Variants in MACO1 observed in about 807,000 individuals in gnomAD.
The protein encoded by MACO1 is macoilin 1.
Under a neutral mutation model 78.7 loss-of-function variants are expected in MACO1, and 14 were observed. That is an observed-to-expected ratio of 0.18 (90% confidence interval 0.12 to 0.28). The LOEUF is 0.28. Among genes scored for constraint, MACO1 ranks in the 10% least tolerant of loss-of-function variants. MACO1 has a pLI of 1.00. For synonymous variants in MACO1, 288 were observed against 291.6 expected, an observed-to-expected ratio of 0.99 and a Z score of 0.12; for missense variants, 501 against 799.0, an observed-to-expected ratio of 0.63 and a Z score of 4.50.
At chr1:25,475,712 GAAT>G (rs1311595640) in intron 6 of MACO1, among the ~76,000 whole-genome samples, 1 of 151,982 alleles carries the variant, frequency 6.6e-6, no homozygotes, top group African/African-American at 2.4e-5. Context: ...TAAAATTATC[GAAT>G]AATAATTAAA....
chr1:25,455,568 T>C (rs115122539), intron 4 of MACO1, among the ~76,000 whole-genome samples: 2,064 of 152,242 alleles, frequency 0.014, 54 homozygotes, highest in African/African-American at 0.047. Context: ...GAAACTTATA[T>C]GGGCTTGACA....
intron 6 of MACO1, among the ~76,000 whole-genome samples, chr1:25,461,343 C>T (rs971278860): frequency 2.8e-4 from 42 of 151,900 alleles, no homozygotes; most frequent in Non-Finnish European, 2.4e-4. Context: ...CACATGTACC[C>T]TAAAACTTAA....
intron 7 of MACO1, among the ~76,000 whole-genome samples, chr1:25,484,695 G>A (rs894639399): frequency 6.6e-5 from 10 of 152,180 alleles, no homozygotes; most frequent in Admixed American, 2.6e-4. Flanking sequence ...GAAAAGGCAG[G>A]CAGAAAGCCA....
chr1:25,431,138 C>A lies in MACO1; in HGVS notation c.40C>A (p.Pro14Thr), dbSNP rs1422681732. ...RNADCSKLRR[P>T]LKRNRITEGI... ...CGCCGACTGCAGTAAGCTCCGCCGCCCCCTAAAGCGGAACCGGATCACCGA... is the reference window on the plus strand; with the variant it reads ...CGCCGACTGCAGTAAGCTCCGCCGCACCCTAAAGCGGAACCGGATCACCGA... The change falls in exon 1 of 11, where the codon CCC becomes ACC. Residue 14 changes from proline to threonine, a missense_variant. Coordinates refer to ENST00000374343, the MANE Select transcript of MACO1 (RefSeq NM_018202.6). The A allele has an allele frequency of 3.8e-6, 6 of 1,598,718 alleles. No homozygotes were observed. The highest frequency in any genetic ancestry group is 1.7e-5 in the Admixed American group (1 of 58,750).
At chr1:25,455,948 C>T (rs928849046) in intron 4 of MACO1, among the ~76,000 whole-genome samples, 2 of 151,746 alleles carry the variant, frequency 1.3e-5, no homozygotes, top group Non-Finnish European at 1.5e-5. Flanking sequence ...CCTGTAAAGT[C>T]TCTACCCTTT....
At position 25,499,596 on chromosome 1, in the gene MACO1, T is replaced by G. The variant is rs978019960; in HGVS notation, c.*1130T>G. On this transcript the variant is annotated 3_prime_UTR_variant, in exon 11 of 11. Transcript: ENST00000374343. ...TTTAAGACTCTTAAACTCAAAACTC[T>G]GCACAAAGATTTCAGTTTCAAATGT... 4 of 148,762 alleles carry G rather than the reference T, an allele frequency of 2.7e-5. No individual in the cohort carries two copies. The South Asian group carries it at 6.4e-4, about 24-fold the overall frequency. 9.2% of individuals were successfully genotyped at this position (148,762 alleles called of 1,614,324 possible). A position where few individuals can be genotyped will look rare whatever the true frequency, so the allele number is the denominator to read the frequency against.
chr1:25,471,663 C>A (rs1386762277), intron 6 of MACO1, among the ~76,000 whole-genome samples: 4 of 152,176 alleles, frequency 2.6e-5, no homozygotes, highest in African/African-American at 9.7e-5. Context: ...TACTAGGAAG[C>A]AGGGAGGGTG....
intron 1 of MACO1, among the ~76,000 whole-genome samples, chr1:25,437,438 T>C (rs1007791008): frequency 6.6e-5 from 10 of 151,790 alleles, no homozygotes; most frequent in Non-Finnish European, 1.3e-4. Context: ...ATTATAGGCA[T>C]GAGCCACCGC....
chr1:25,486,665 T>G (rs186654433), intron 8 of MACO1, among the ~76,000 whole-genome samples: 1 of 152,356 alleles, frequency 6.6e-6, no homozygotes, highest in Admixed American at 6.5e-5. Flanking sequence ...ACTTTTGGCA[T>G]GTTGATAGCC....
intron 3 of MACO1, 43 bp downstream of exon 3, chr1:25,448,977 C>G: frequency 7.2e-7 from 1 of 1,386,730 alleles, no homozygotes; most frequent in East Asian, 2.5e-5. Context: ...ATCTTAGATT[C>G]AAATTTTTAA....
At chr1:25,450,194 C>A (rs1031874919) in intron 3 of MACO1, among the ~76,000 whole-genome samples, 1 of 152,108 alleles carries the variant, frequency 6.6e-6, no homozygotes, top group South Asian at 2.1e-4. Flanking sequence ...CCTCTTAAGT[C>A]TTTTCTGTAG....
At chr1:25,454,178 G>A (rs1445770994) in intron 3 of MACO1, 81 bp from the exon 4 acceptor site, 20 of 1,359,536 alleles carry the variant, frequency 1.5e-5, no homozygotes, top group South Asian at 2.0e-5. Context: ...AGTTACTGTC[G>A]TCAAATTAGT....
In MACO1 at chr1:25,431,093, G is replaced by T; in HGVS notation, c.-6G>T. ...CGGCGCGGGCACCCGGCCCCCCAGC[G>T]GGAGGATGAAGCGGCGGAACGCCGA... On this transcript the variant is annotated 5_prime_UTR_variant, in exon 1 of 11. Coordinates refer to ENST00000374343, the MANE Select transcript of MACO1 (RefSeq NM_018202.6). 1 of 1,585,658 alleles carries T rather than the reference G, an allele frequency of 6.3e-7. No homozygotes were observed. The highest frequency in any genetic ancestry group is 8.6e-7 in the Non-Finnish European group (1 of 1,169,210).
chr1:25,492,633 A>G (rs1379118953), intron 10 of MACO1, among the ~76,000 whole-genome samples: 3 of 152,148 alleles, frequency 2.0e-5, no homozygotes, highest in African/African-American at 2.4e-5. Flanking sequence ...CTTGAGGCCC[A>G]TGGAAAGAAC....
chr1:25,494,582 T>C (rs2043518385), intron 10 of MACO1, among the ~76,000 whole-genome samples: 1 of 151,974 alleles, frequency 6.6e-6, no homozygotes. Flanking sequence ...TCCTATAGCA[T>C]GTGAAAGACC....
At chr1:25,469,443 C>A (rs574250360) in intron 6 of MACO1, among the ~76,000 whole-genome samples, 1 of 152,116 alleles carries the variant, frequency 6.6e-6, no homozygotes, top group African/African-American at 2.4e-5. Context: ...ATGAATCTGC[C>A]CTTTTTTCCT....
At chr1:25,471,501 A>G (rs2043271201) in intron 6 of MACO1, among the ~76,000 whole-genome samples, 1 of 152,258 alleles carries the variant, frequency 6.6e-6, no homozygotes, top group Non-Finnish European at 1.5e-5. Flanking sequence ...TTTTTATAAC[A>G]TGCTTATTAT....
chr1:25,437,805 C>T (rs2042932785), intron 1 of MACO1, among the ~76,000 whole-genome samples: 1 of 152,060 alleles, frequency 6.6e-6, no homozygotes, highest in Non-Finnish European at 1.5e-5. Context: ...CCTGTAGTCC[C>T]AGCTACTTGG....
chr1:25,483,080 C>T (rs947021629), intron 6 of MACO1, among the ~76,000 whole-genome samples: 1 of 152,176 alleles, frequency 6.6e-6, no homozygotes, highest in African/African-American at 2.4e-5. Context: ...GACAGAGTCT[C>T]ACTCTTGTCA....
Sources: gnomAD v4.1 joint callset for allele counts (sites outside exome capture counted in the v4.1 genomes callset) on GRCh38, gnomAD v4.1.1 for gene constraint, MANE v1.5 for transcripts, NCBI Gene and HGNC (gene_info 2026-07-23, HGNC 2026-07-21) for gene names.